The following GRB2 variants were observed in gnomAD, a reference collection of about 807,000 sequenced individuals.
GRB2 encodes the protein growth factor receptor bound protein 2.
GRB2 carries 2 observed loss-of-function variants against 27.4 expected under a neutral mutation model. The observed-to-expected ratio is 0.07, with a 90% CI of 0.03 to 0.23. The LOEUF (loss-of-function observed/expected upper bound fraction) is 0.23, where lower values mean the gene tolerates loss of function less well. Among genes scored for constraint, GRB2 ranks in the 10% least tolerant of loss-of-function variants. The pLI is 1.00. For missense variants in GRB2, 102 were observed against 282.4 expected (o/e 0.36, Z 4.58); for synonymous variants, 94 against 99.6 (o/e 0.94, Z 0.33).
intron 2 of GRB2, among the ~76,000 whole-genome samples, chr17:75,359,675 C>T (rs1228211235): frequency 1.3e-5 from 2 of 152,118 alleles, no homozygotes; most frequent in African/African-American, 4.8e-5. Flanking sequence ...TTCAACAACA[C>T]TAAAGCTACC....
At chr17:75,374,403 C>CAAAAAAAAAAAAAAAAAAA (rs56404809) in intron 2 of GRB2, among the ~76,000 whole-genome samples, 1 of 88,800 alleles carries the variant, frequency 1.1e-5, no homozygotes, top group Non-Finnish European at 2.1e-5. Context: ...GACTCCATAT[C>CAAAAAAAAAAAAAAAAAAA]AAAAAAAAAA....
intron 2 of GRB2, among the ~76,000 whole-genome samples, chr17:75,358,910 T>C (rs1414635440): frequency 3.0e-5 from 2 of 67,766 alleles, no homozygotes; most frequent in Non-Finnish European, 8.9e-5. Context: ...TATATATATA[T>C]ATATAAATAT....
rs117884893 is a variant in GRB2 at position 75,346,528 on chromosome 17, G to A, written c.79-13731C>T. ...CAAAGACAGGTATCAATCTTATGCT[G>A]GTATCCTCCATCTGTCTCTCCAGAT... is the stretch of plus-strand genomic sequence containing the variant. On this transcript the variant is annotated intron_variant, in intron 2 of 5. Transcript: ENST00000316804. Among the ~76,000 whole-genome samples the A allele has an allele frequency of 2.1e-3, 321 of 149,900 alleles. 2 individuals are homozygous for A. The South Asian group carries it at 0.022, about 10-fold the overall frequency.
At chr17:75,403,884 CG>C (rs1390917656) in intron 1 of GRB2, among the ~76,000 whole-genome samples, 6 of 152,132 alleles carry the variant, frequency 3.9e-5, no homozygotes, top group African/African-American at 1.4e-4. Context: ...GAGGCCAAGG[CG>C]GGTGGATTAC....
intron 2 of GRB2, among the ~76,000 whole-genome samples, chr17:75,352,923 C>A (rs924173154): frequency 6.7e-6 from 1 of 150,168 alleles, no homozygotes; most frequent in Non-Finnish European, 1.5e-5. Context: ...CAGTGGCTCA[C>A]GCCTGTAATC....
intron 2 of GRB2, among the ~76,000 whole-genome samples, chr17:75,351,546 C>G (rs1038923244): frequency 6.6e-6 from 1 of 152,004 alleles, no homozygotes; most frequent in Non-Finnish European, 1.5e-5. Flanking sequence ...CCCAGCTACT[C>G]TGAGACTACA....
Position 75,363,797 on chromosome 17 carries a change from T to C in GRB2, c.78+29754A>G, listed in dbSNP as rs763028344. On this transcript the variant is annotated intron_variant, in intron 2 of 5. Transcript: ENST00000316804. ...ATGGCGTGAACCCGGGAGGTGGAGATTGCAGCAAGCGGAGATCGCCCCACT... is the reference window on the plus strand; with the variant it reads ...ATGGCGTGAACCCGGGAGGTGGAGACTGCAGCAAGCGGAGATCGCCCCACT... Among the ~76,000 whole-genome samples, 18 of 134,772 alleles carry C rather than the reference T, an allele frequency of 1.3e-4. No homozygotes were observed. In the East Asian group the frequency reaches 2.0e-3, roughly 15 times the overall value. 88.4% of individuals were successfully genotyped at this position (134,772 alleles called of 152,430 possible). A position where few individuals can be genotyped will look rare whatever the true frequency, so the allele number is the denominator to read the frequency against.
intron 2 of GRB2, among the ~76,000 whole-genome samples, chr17:75,355,816 CT>C (rs1170570570): frequency 0.079 from 9,173 of 115,702 alleles, 325 homozygotes; most frequent in Middle Eastern, 0.13. Flanking sequence ...TTCCTTTCTT[CT>C]TTTTTTTTTT....
chr17:75,400,560 C>T (rs2079057194), intron 1 of GRB2, among the ~76,000 whole-genome samples: 1 of 152,042 alleles, frequency 6.6e-6, no homozygotes, highest in Admixed American at 6.6e-5. Flanking sequence ...CTGTAACCTC[C>T]ACCTCCTGCG....
intron 2 of GRB2, among the ~76,000 whole-genome samples, chr17:75,352,874 G>GTTT (rs374164944): frequency 6.8e-6 from 1 of 147,458 alleles, no homozygotes; most frequent in Non-Finnish European, 1.5e-5. Context: ...AAGTTAACTT[G>GTTT]TTTTTTTTTT....
At chr17:75,331,529 T>C (rs1275312283) in intron 3 of GRB2, among the ~76,000 whole-genome samples, 1 of 152,130 alleles carries the variant, frequency 6.6e-6, no homozygotes, top group Admixed American at 6.5e-5. Flanking sequence ...ATAAGAAGTG[T>C]AGTATGATGT....
At chr17:75,349,529 G>A (rs1454574945) in intron 2 of GRB2, among the ~76,000 whole-genome samples, 1 of 22,986 alleles carries the variant, frequency 4.4e-5, no homozygotes, top group Non-Finnish European at 1.3e-4. Flanking sequence ...TTTTTTTTTT[G>A]AGACAGAGTC....
intron 2 of GRB2, among the ~76,000 whole-genome samples, chr17:75,380,324 T>C (rs2078919976): frequency 6.8e-6 from 1 of 147,774 alleles, no homozygotes; most frequent in East Asian, 2.0e-4. Flanking sequence ...CTTTTTCTGA[T>C]TACAAAACTA....
At chr17:75,370,691 A>G (rs1465544911) in intron 2 of GRB2, among the ~76,000 whole-genome samples, 1 of 152,220 alleles carries the variant, frequency 6.6e-6, no homozygotes, top group Non-Finnish European at 1.5e-5. Flanking sequence ...TCTTCCCAGG[A>G]GGACTTCAGT....
At chr17:75,393,406 TCTAA>T (rs2079010228) in intron 2 of GRB2, 141 bp downstream of exon 2, 1 of 721,458 alleles carries the variant, frequency 1.4e-6, no homozygotes, top group Admixed American at 2.2e-5. Context: ...CTACTCAGCA[TCTAA>T]AGCTCTCCAG....
In GRB2 at chr17:75,336,738, A is replaced by AT. The variant is rs557092472; in HGVS notation, c.79-3942dup. Among the ~76,000 whole-genome samples, 116 of 149,604 alleles carry AT rather than the reference A, an allele frequency of 7.8e-4. 1 individual carries two copies. The highest frequency in any genetic ancestry group is 3.6e-3 in the South Asian group (17 of 4,724). ...TGGAATTAATGCTTTTAAAAATGTAATTTTTTTTTTTGAGAGAGTCTTGCT... is the reference window on the plus strand; with the variant it reads ...TGGAATTAATGCTTTTAAAAATGTAATTTTTTTTTTTTGAGAGAGTCTTGCT... On this transcript the variant is annotated intron_variant, in intron 2 of 5. Coordinates refer to ENST00000316804, the MANE Select transcript of GRB2 (RefSeq NM_002086.5).
At chr17:75,332,642 A>T in intron 3 of GRB2, 58 bp downstream of exon 3, 5 of 926,616 alleles carry the variant, frequency 5.4e-6, no homozygotes, top group Middle Eastern at 4.2e-4. Flanking sequence ...TTTTAAAAAG[A>T]GTGTTTGAAA....
At chr17:75,357,330 C>T (rs1352950184) in intron 2 of GRB2, among the ~76,000 whole-genome samples, 1 of 152,064 alleles carries the variant, frequency 6.6e-6, no homozygotes, top group African/African-American at 2.4e-5. Flanking sequence ...GAGAAGGACA[C>T]TGGGAAAAAC....
intron 3 of GRB2, among the ~76,000 whole-genome samples, chr17:75,331,333 C>T (rs35550471): frequency 5.9e-5 from 9 of 152,200 alleles, no homozygotes; most frequent in Non-Finnish European, 1.2e-4. Flanking sequence ...ATCAATTCTT[C>T]TAAAGTTCTT....
Sources: allele counts gnomAD v4.1 joint callset (sites outside exome capture counted in the v4.1 genomes callset), GRCh38; gene constraint gnomAD v4.1.1; transcripts MANE v1.5; gene names NCBI Gene and HGNC (gene_info 2026-07-23, HGNC 2026-07-21).